The following PPM1H variants were observed in gnomAD, a reference collection of about 807,000 sequenced individuals.
The protein encoded by PPM1H is protein phosphatase, Mg2+/Mn2+ dependent 1H.
Under a neutral mutation model 54.9 loss-of-function variants are expected in PPM1H, and 27 were observed. The ratio of observed to expected loss-of-function variants is 0.49; its 90% CI spans 0.36 to 0.68. The LOEUF is 0.68. Ranked by LOEUF, PPM1H falls within the 30% of genes least tolerant of loss-of-function variation. PPM1H has a pLI of 0.00. For missense variants in PPM1H, 596 were observed against 667.8 expected, an observed-to-expected ratio of 0.89 and a Z score of 1.19; for synonymous variants, 305 against 270.8, an observed-to-expected ratio of 1.13 and a Z score of -1.24.
At chr12:62,800,627 G>A (rs2076762295) in intron 3 of PPM1H, among the ~76,000 whole-genome samples, 1 of 151,972 alleles carries the variant, frequency 6.6e-6, no homozygotes, top group Non-Finnish European at 1.5e-5. Flanking sequence ...ATGAACCACC[G>A]TGCCCGGCCT....
At chr12:62,696,418 T>C (rs2076115095) in intron 6 of PPM1H, among the ~76,000 whole-genome samples, 1 of 152,314 alleles carries the variant, frequency 6.6e-6, no homozygotes, top group Non-Finnish European at 1.5e-5. Context: ...CAATCAACTA[T>C]GAGCACTCCC....
chr12:62,802,703 TG>T (rs1228489043), intron 2 of PPM1H, among the ~76,000 whole-genome samples: 2 of 151,834 alleles, frequency 1.3e-5, no homozygotes, highest in Non-Finnish European at 2.9e-5. Flanking sequence ...CCTCAGCCTC[TG>T]GAGTAGCTGG....
chr12:62,734,952 G>A (rs921098537), intron 5 of PPM1H, among the ~76,000 whole-genome samples: 6 of 152,140 alleles, frequency 3.9e-5, no homozygotes, highest in African/African-American at 1.4e-4. Flanking sequence ...GCTGAGGTAG[G>A]AGGATTTGTT....
intron 6 of PPM1H, among the ~76,000 whole-genome samples, chr12:62,700,224 C>T (rs1196255547): frequency 6.6e-6 from 1 of 152,176 alleles, no homozygotes; most frequent in East Asian, 1.9e-4. Flanking sequence ...TCCTAGCTCA[C>T]TTCCTGCTGA....
At chr12:62,753,705 A>G (rs1490793161) in intron 4 of PPM1H, among the ~76,000 whole-genome samples, 2 of 152,230 alleles carry the variant, frequency 1.3e-5, no homozygotes, top group Non-Finnish European at 1.5e-5. Flanking sequence ...AGGCAGAGAT[A>G]AAGAGGCTGA....
At chr12:62,929,298 TGA>T (rs982686252) in intron 1 of PPM1H, among the ~76,000 whole-genome samples, 20 of 152,280 alleles carry the variant, frequency 1.3e-4, no homozygotes, top group African/African-American at 4.8e-4. Context: ...TTTCATCAAT[TGA>T]GAGAAATAAT....
chr12:62,897,518 C>A (rs971133452), intron 1 of PPM1H, among the ~76,000 whole-genome samples: 6 of 152,094 alleles, frequency 3.9e-5, no homozygotes, highest in Non-Finnish European at 7.4e-5. Context: ...TAAGACAATA[C>A]AATGTCTACA....
chr12:62,834,866 T>C (rs747352422), intron 1 of PPM1H, among the ~76,000 whole-genome samples: 1 of 152,026 alleles, frequency 6.6e-6, no homozygotes, highest in African/African-American at 2.4e-5. Flanking sequence ...CCAAGCAACA[T>C]GTTTGGGGTG....
At chr12:62,824,032 G>C (rs370407400) in intron 2 of PPM1H, among the ~76,000 whole-genome samples, 8,035 of 143,012 alleles carry the variant, frequency 0.056, 287 homozygotes, top group Middle Eastern at 0.085. Flanking sequence ...TCCTTAAGCT[G>C]ATAGGCAACT....
intron 2 of PPM1H, among the ~76,000 whole-genome samples, chr12:62,823,983 T>C (rs1408112139): frequency 6.6e-6 from 1 of 152,062 alleles, no homozygotes; most frequent in Non-Finnish European, 1.5e-5. Context: ...GATGACATGA[T>C]TGTATATCTA....
chr12:62,749,107 C>A (rs1020473990), intron 4 of PPM1H, among the ~76,000 whole-genome samples: 4 of 152,192 alleles, frequency 2.6e-5, no homozygotes, highest in African/African-American at 9.7e-5. Flanking sequence ...CTTACTACTT[C>A]TCTTAAAACA....
intron 1 of PPM1H, among the ~76,000 whole-genome samples, chr12:62,856,917 T>G (rs1251518292): frequency 1.3e-5 from 2 of 152,210 alleles, no homozygotes; most frequent in African/African-American, 4.8e-5. Flanking sequence ...CTTGGCATTT[T>G]GTCACAATAA....
At chr12:62,878,645 A>AG in intron 1 of PPM1H, among the ~76,000 whole-genome samples, 1 of 148,682 alleles carries the variant, frequency 6.7e-6, no homozygotes, top group Non-Finnish European at 1.5e-5. Flanking sequence ...AAAAAAAAAA[A>AG]AAAAAAAAAA....
intron 3 of PPM1H, among the ~76,000 whole-genome samples, chr12:62,793,452 C>T (rs753858604): frequency 1.3e-4 from 19 of 151,912 alleles, no homozygotes; most frequent in Non-Finnish European, 2.5e-4. Flanking sequence ...GGGCCGGGCG[C>T]GGTGGCTCAC....
At chr12:62,809,447 TTTGATGCATAAAG>T (rs1490722002) in intron 2 of PPM1H, among the ~76,000 whole-genome samples, 1 of 152,180 alleles carries the variant, frequency 6.6e-6, no homozygotes, top group Non-Finnish European at 1.5e-5. Context: ...GGCAGGATGG[TTTGATGCATAAAG>T]TCAGATCTGT....
chr12:62,887,919 G>A (rs1870648941), intron 1 of PPM1H, among the ~76,000 whole-genome samples: 1 of 152,198 alleles, frequency 6.6e-6, no homozygotes, highest in African/African-American at 2.4e-5. Flanking sequence ...AATGAAGCCA[G>A]GGTGACTGGA....
intron 1 of PPM1H, among the ~76,000 whole-genome samples, chr12:62,917,228 C>T (rs145488330): frequency 4.2e-4 from 64 of 152,304 alleles, no homozygotes; most frequent in African/African-American, 1.2e-3. Flanking sequence ...CTGCTTTCTG[C>T]GGCAATTTAA....
At chr12:62,882,121 C>T (rs1389407139) in intron 1 of PPM1H, among the ~76,000 whole-genome samples, 1 of 152,228 alleles carries the variant, frequency 6.6e-6, no homozygotes, top group Non-Finnish European at 1.5e-5. Context: ...TAAATCTATA[C>T]ATATGCAAAA....
chr12:62,869,139 T>G (rs1455368569), intron 1 of PPM1H, among the ~76,000 whole-genome samples: 1 of 152,200 alleles, frequency 6.6e-6, no homozygotes, highest in Admixed American at 6.5e-5. Context: ...CTTTAGATAT[T>G]AAGAACAAGG....
Sources: allele counts gnomAD v4.1 joint callset (sites outside exome capture counted in the v4.1 genomes callset), GRCh38; gene constraint gnomAD v4.1.1; transcripts MANE v1.5; gene names NCBI Gene and HGNC (gene_info 2026-07-23, HGNC 2026-07-21).